Variants in TGFA observed in about 807,000 individuals in gnomAD.
The protein encoded by TGFA is protransforming growth factor alpha.
A neutral mutation model predicts 21.7 loss-of-function variants in TGFA; 12 were observed. That is an observed-to-expected ratio of 0.55 (90% confidence interval 0.35 to 0.90). TGFA has a LOEUF of 0.90. TGFA is among the 40% of genes least tolerant of loss of function. The probability of loss-of-function intolerance (pLI) is 0.01; values close to 1 mark genes in which losing one functional copy is unlikely to be tolerated. For missense variants in TGFA, 178 were observed against 210.8 expected, an observed-to-expected ratio of 0.84 and a Z score of 0.96; for synonymous variants, 79 against 88.1, an observed-to-expected ratio of 0.90 and a Z score of 0.58.
At chr2:70,551,288 C>T (rs1438221156) in intron 1 of TGFA, among the ~76,000 whole-genome samples, 2 of 152,212 alleles carry the variant, frequency 1.3e-5, no homozygotes, top group Non-Finnish European at 2.9e-5. Context: ...TGCGGTCTGC[C>T]TGCCAGTGAT....
chr2:70,491,444 G>A (rs1671432019), intron 2 of TGFA, among the ~76,000 whole-genome samples: 1 of 152,168 alleles, frequency 6.6e-6, no homozygotes, highest in Non-Finnish European at 1.5e-5. Context: ...ACCAGGCAAG[G>A]AAAGCCCACT....
intron 1 of TGFA, among the ~76,000 whole-genome samples, chr2:70,533,880 T>C (rs917285614): frequency 2.6e-5 from 4 of 152,170 alleles, no homozygotes; most frequent in South Asian, 2.1e-4. Flanking sequence ...ATTTTTTTTT[T>C]CCAGAAGCTC....
intron 2 of TGFA, among the ~76,000 whole-genome samples, chr2:70,469,818 G>A (rs1670681378): frequency 1.3e-5 from 2 of 152,144 alleles, no homozygotes; most frequent in South Asian, 4.1e-4. Flanking sequence ...GGTTCTTCGT[G>A]GTAAAGTATT....
At chr2:70,531,399 A>G (rs537174376) in intron 1 of TGFA, among the ~76,000 whole-genome samples, 1 of 152,318 alleles carries the variant, frequency 6.6e-6, no homozygotes, top group East Asian at 1.9e-4. Context: ...TACTAGATTT[A>G]TGGAACACCT....
Position 70,517,243 on chromosome 2 carries a change from C to T in TGFA, c.41-2331G>A, listed in dbSNP as rs560850827. 3.3e-5 allele frequency among the ~76,000 whole-genome samples: 5 copies of T among 152,368 alleles called. No homozygotes were observed. In the East Asian group the frequency reaches 9.6e-4, roughly 29 times the overall value. On this transcript the variant is annotated intron_variant, in intron 1 of 5. Coordinates refer to ENST00000295400, the MANE Select transcript of TGFA (RefSeq NM_003236.4). The stretch of plus-strand genomic sequence containing the variant: ...CTTTTTATTCATAATTTGAGCAACA[C>T]AAGAAGAATAGGTCCTTTCTATACC...
chr2:70,451,960 C>T (rs1010789275), intron 5 of TGFA, among the ~76,000 whole-genome samples: 11 of 152,158 alleles, frequency 7.2e-5, no homozygotes, highest in Non-Finnish European at 8.8e-5. Flanking sequence ...TCTCAAGTGC[C>T]GCTCCCGCAC....
chr2:70,475,123 A>AATCAG (rs1436408479), intron 2 of TGFA, among the ~76,000 whole-genome samples: 13 of 152,132 alleles, frequency 8.5e-5, no homozygotes. Flanking sequence ...GGGAGAAGAA[A>AATCAG]ATCAGATAAC....
At chr2:70,507,777 T>C (rs1671973233) in intron 2 of TGFA, among the ~76,000 whole-genome samples, 2 of 152,240 alleles carry the variant, frequency 1.3e-5, no homozygotes. Flanking sequence ...CTTTTGAAGA[T>C]GGTAGATGCG....
intron 3 of TGFA, among the ~76,000 whole-genome samples, chr2:70,462,541 G>T (rs1670436472): frequency 6.6e-6 from 1 of 152,224 alleles, no homozygotes; most frequent in Admixed American, 6.5e-5. Flanking sequence ...AGCCCTATCT[G>T]GGGCGGCACA....
chr2:70,449,671 T>C lies in TGFA; in HGVS notation c.*1188A>G. ...ATTACTGGAATAGTTTTCCTAGTGC[T>C]CGAAAATAAATAGCAAAGTTAAACT... On this transcript the variant is annotated 3_prime_UTR_variant, in exon 6 of 6. Transcript: ENST00000295400. 1 of 203,106 alleles carries C rather than the reference T, an allele frequency of 4.9e-6. No individual in the cohort carries two copies. The highest frequency in any genetic ancestry group is 1.1e-5 in the Non-Finnish European group (1 of 92,776). The allele number at this position is 203,106 out of a possible 1,614,324, so 12.6% of individuals were successfully genotyped here.
intron 3 of TGFA, among the ~76,000 whole-genome samples, chr2:70,457,386 C>T (rs782290982): frequency 4.6e-5 from 7 of 152,262 alleles, no homozygotes; most frequent in Non-Finnish European, 8.8e-5. Flanking sequence ...ATCCCCTCAC[C>T]CTGAGCCACT....
At chr2:70,479,455 A>T (rs1262297292) in intron 2 of TGFA, among the ~76,000 whole-genome samples, 1 of 152,214 alleles carries the variant, frequency 6.6e-6, no homozygotes, top group South Asian at 2.1e-4. Flanking sequence ...TTCAGTGCTT[A>T]TAAGACCTTT....
At chr2:70,451,098 T>G in intron 5 of TGFA, among the ~76,000 whole-genome samples, 1 of 148,600 alleles carries the variant, frequency 6.7e-6, no homozygotes. Flanking sequence ...AGTGAGTGAG[T>G]GAGTGATAGC....
intron 1 of TGFA, among the ~76,000 whole-genome samples, chr2:70,552,607 C>T (rs111777973): frequency 6.6e-5 from 10 of 152,264 alleles, no homozygotes; most frequent in African/African-American, 2.4e-4. Context: ...AGGATGCCTC[C>T]CCTTCTGCTG....
At chr2:70,462,728 A>G (rs544778291) in intron 3 of TGFA, among the ~76,000 whole-genome samples, 75 of 152,198 alleles carry the variant, frequency 4.9e-4, no homozygotes, top group Non-Finnish European at 9.1e-4. Context: ...TGCCATGTAA[A>G]GCATTTCTGC....
chr2:70,537,184 A>T (rs1553504568), intron 1 of TGFA, among the ~76,000 whole-genome samples: 1 of 151,692 alleles, frequency 6.6e-6, no homozygotes, highest in African/African-American at 2.4e-5. Context: ...CATGAACCAC[A>T]CCCGTAGAAG....
intron 1 of TGFA, among the ~76,000 whole-genome samples, chr2:70,535,465 T>C (rs1672945147): frequency 6.6e-6 from 1 of 152,222 alleles, no homozygotes; most frequent in African/African-American, 2.4e-5. Flanking sequence ...GATCTTAGTT[T>C]TGTTATTCAT....
At chr2:70,516,948 G>T (rs1672298567) in intron 1 of TGFA, among the ~76,000 whole-genome samples, 1 of 152,228 alleles carries the variant, frequency 6.6e-6, no homozygotes, top group Non-Finnish European at 1.5e-5. Flanking sequence ...CAGTCAGCAT[G>T]GTTCCTGGGC....
At chr2:70,539,916 A>G (rs547481305) in intron 1 of TGFA, among the ~76,000 whole-genome samples, 33 of 152,312 alleles carry the variant, frequency 2.2e-4, no homozygotes, top group African/African-American at 7.9e-4. Flanking sequence ...GGCATACTCT[A>G]CACTAGTACT....
Sources: allele counts gnomAD v4.1 joint callset (sites outside exome capture counted in the v4.1 genomes callset), GRCh38; gene constraint gnomAD v4.1.1; transcripts MANE v1.5; gene names NCBI Gene and HGNC (gene_info 2026-07-23, HGNC 2026-07-21).